Variants in GALNTL6 observed in about 807,000 individuals in gnomAD.
GALNTL6 encodes polypeptide N-acetylgalactosaminyltransferase like 6, also known as polypeptide N-acetylgalactosaminyltransferase-like 6.
A neutral mutation model predicts 73.7 loss-of-function variants in GALNTL6; 46 were observed. That is an observed-to-expected ratio of 0.62 (90% CI 0.49 to 0.80). The LOEUF (loss-of-function observed/expected upper bound fraction) is 0.80, where lower values mean the gene tolerates loss of function less well. Among genes scored for constraint, GALNTL6 ranks in the 30% least tolerant of loss-of-function variants. The pLI is 0.00. For missense variants in GALNTL6, 604 were observed against 755.0 expected, an observed-to-expected ratio of 0.80 and a Z score of 2.34; for synonymous variants, 259 against 263.7, an observed-to-expected ratio of 0.98 and a Z score of 0.17.
At chr4:172,730,803 G>T (rs1229479633) in intron 5 of GALNTL6, among the ~76,000 whole-genome samples, 8 of 152,152 alleles carry the variant, frequency 5.3e-5, no homozygotes, top group Non-Finnish European at 1.2e-4. Flanking sequence ...GGATTGGGCT[G>T]GGCACAGTGG....
intron 2 of GALNTL6, among the ~76,000 whole-genome samples, chr4:171,926,515 T>G (rs1253052285): frequency 6.6e-6 from 1 of 152,146 alleles, no homozygotes; most frequent in Non-Finnish European, 1.5e-5. Flanking sequence ...TTTTAGATTT[T>G]GGGGTATGTA....
intron 2 of GALNTL6, among the ~76,000 whole-genome samples, chr4:172,038,979 T>A (rs996076397): frequency 1.3e-5 from 2 of 152,218 alleles, no homozygotes; most frequent in African/African-American, 2.4e-5. Context: ...CGTATTTCCC[T>A]GATGCCACTG....
At position 172,457,361 on chromosome 4, in the gene GALNTL6, A is replaced by G. The variant is rs545309447; in HGVS notation, c.553+108672A>G. On this transcript the variant is annotated intron_variant, in intron 5 of 12. Coordinates refer to ENST00000506823, the MANE Select transcript of GALNTL6 (RefSeq NM_001034845.3). ...TGACAGGATCAAATTCACACATAAC[A>G]ATATTAACCTTAAATATAAATGGGC... 7.2e-5 allele frequency among the ~76,000 whole-genome samples: 11 copies of G among 152,328 alleles called. No homozygotes were observed. In the East Asian group the frequency reaches 2.1e-3, roughly 29 times the overall value.
At chr4:171,844,242 G>C (rs1579503452) in intron 2 of GALNTL6, among the ~76,000 whole-genome samples, 1 of 152,038 alleles carries the variant, frequency 6.6e-6, no homozygotes, top group African/African-American at 2.4e-5. Context: ...ATGAAACTCA[G>C]GGTCATTATT....
intron 2 of GALNTL6, among the ~76,000 whole-genome samples, chr4:171,904,032 C>T (rs1246706271): frequency 6.6e-6 from 1 of 152,038 alleles, no homozygotes; most frequent in African/African-American, 2.4e-5. Flanking sequence ...GATAAAACCA[C>T]AAAGATGGGG....
At chr4:172,591,174 AC>A (rs1423332886) in intron 5 of GALNTL6, among the ~76,000 whole-genome samples, 1 of 152,094 alleles carries the variant, frequency 6.6e-6, no homozygotes, top group Non-Finnish European at 1.5e-5. Flanking sequence ...TTTTGTTTTA[AC>A]TTTGAGAAAT....
chr4:172,047,163 C>A (rs1742243206), intron 2 of GALNTL6, among the ~76,000 whole-genome samples: 1 of 152,116 alleles, frequency 6.6e-6, no homozygotes. Context: ...CCAATTGCTG[C>A]CACTTTGGCC....
chr4:171,855,599 T>C (rs1735666531), intron 2 of GALNTL6, among the ~76,000 whole-genome samples: 3 of 152,226 alleles, frequency 2.0e-5, no homozygotes, highest in Non-Finnish European at 4.4e-5. Flanking sequence ...GATTTTTGTA[T>C]ATATGTAAGT....
chr4:172,617,598 T>TC (rs1738789620), intron 5 of GALNTL6, among the ~76,000 whole-genome samples: 1 of 151,798 alleles, frequency 6.6e-6, no homozygotes, highest in South Asian at 2.1e-4. Flanking sequence ...TGCCTCAGCC[T>TC]CCCGAGTAGC....
At position 172,053,200 on chromosome 4, in the gene GALNTL6, G is replaced by A. The variant is rs1299133336; in HGVS notation, c.139-176456G>A. Among the ~76,000 whole-genome samples the A allele has an allele frequency of 2.0e-4, 30 of 152,208 alleles. No individual in the cohort carries two copies. The East Asian group carries it at 5.6e-3, about 28-fold the overall frequency. On this transcript the variant is annotated intron_variant, in intron 2 of 12. Transcript: ENST00000506823. ...AAGAATCAGAATACCAAATTTTAGT[G>A]ATGAGAATTTTGTAATTTCTGAATC... is the stretch of plus-strand genomic sequence containing the variant.
At chr4:172,799,823 T>TTG (rs1019644541) in intron 5 of GALNTL6, among the ~76,000 whole-genome samples, 2 of 152,214 alleles carry the variant, frequency 1.3e-5, no homozygotes, top group African/African-American at 4.8e-5. Context: ...ACACCCGTGT[T>TTG]TGTAGCAGCA....
intron 5 of GALNTL6, among the ~76,000 whole-genome samples, chr4:172,733,123 G>A (rs1736251283): frequency 1.3e-5 from 2 of 152,130 alleles, no homozygotes; most frequent in Admixed American, 1.3e-4. Context: ...TCTGTTGGTG[G>A]TGAATTCTCT....
At chr4:172,153,529 G>C (rs922197094) in intron 2 of GALNTL6, among the ~76,000 whole-genome samples, 7 of 152,154 alleles carry the variant, frequency 4.6e-5, no homozygotes, top group African/African-American at 1.7e-4. Flanking sequence ...TTAACTCACT[G>C]AAGAGCAAGC....
intron 2 of GALNTL6, among the ~76,000 whole-genome samples, chr4:172,225,971 G>C (rs953314545): frequency 6.6e-6 from 1 of 152,046 alleles, no homozygotes; most frequent in African/African-American, 2.4e-5. Flanking sequence ...GTGTTTTCTT[G>C]ATGCTAACAC....
At chr4:172,632,380 G>T (rs1045549832) in intron 5 of GALNTL6, among the ~76,000 whole-genome samples, 3 of 152,168 alleles carry the variant, frequency 2.0e-5, no homozygotes, top group Non-Finnish European at 2.9e-5. Context: ...TAGTGATATG[G>T]ACAAGAAATC....
chr4:172,596,872 T>G (rs1241135583), intron 5 of GALNTL6, among the ~76,000 whole-genome samples: 1 of 152,210 alleles, frequency 6.6e-6, no homozygotes, highest in Admixed American at 6.5e-5. Context: ...ATGTAGAATT[T>G]TTTATTCACT....
At position 172,494,817 on chromosome 4, in the gene GALNTL6, C is replaced by T. The variant is rs143217700; in HGVS notation, c.553+146128C>T. On this transcript the variant is annotated intron_variant, in intron 5 of 12. Coordinates refer to ENST00000506823, the MANE Select transcript of GALNTL6 (RefSeq NM_001034845.3). ...TCCATGCTCTTCTGCCTGCTTTATT[C>T]TAGCCGCACTGGCAGCTGATTAGGT... Among the ~76,000 whole-genome samples the T allele has an allele frequency of 7.2e-4, 110 of 152,316 alleles. No homozygotes were observed. In the East Asian group the frequency reaches 0.01, roughly 14 times the overall value.
chr4:172,839,299 T>C (rs1486231901), intron 7 of GALNTL6, among the ~76,000 whole-genome samples: 3 of 152,186 alleles, frequency 2.0e-5, no homozygotes, highest in Admixed American at 1.3e-4. Context: ...CTACCTGAAG[T>C]CACTAATCTA....
intron 2 of GALNTL6, among the ~76,000 whole-genome samples, chr4:171,843,727 CT>C (rs1261968014): frequency 6.6e-6 from 1 of 151,962 alleles, no homozygotes; most frequent in Non-Finnish European, 1.5e-5. Context: ...GATGAATTTA[CT>C]GCCAAAAAAA....
Sources: gnomAD v4.1 joint callset for allele counts (sites outside exome capture counted in the v4.1 genomes callset) on GRCh38, gnomAD v4.1.1 for gene constraint, MANE v1.5 for transcripts, NCBI Gene and HGNC (gene_info 2026-07-23, HGNC 2026-07-21) for gene names.